NKAIN2: variants seen among roughly 807,000 people sequenced by gnomAD.
NKAIN2 encodes the protein sodium/potassium transporting ATPase interacting 2, also known as sodium/potassium-transporting ATPase subunit beta-1-interacting protein 2.
A neutral mutation model predicts 32.6 loss-of-function variants in NKAIN2; 14 were observed. The ratio of observed to expected loss-of-function variants is 0.43; its 90% confidence interval spans 0.28 to 0.67. The LOEUF is 0.67. NKAIN2 is among the 30% of genes least tolerant of loss of function. The pLI is 0.17. For synonymous variants in NKAIN2, 80 were observed against 87.2 expected (o/e 0.92, Z 0.46); for missense variants, 198 against 258.3 (o/e 0.77, Z 1.60).
intron 1 of NKAIN2, among the ~76,000 whole-genome samples, chr6:124,104,374 T>C (rs1306409808): frequency 1.3e-5 from 2 of 152,182 alleles, no homozygotes; most frequent in African/African-American, 4.8e-5. Flanking sequence ...ATGATGATGA[T>C]GATATTTTGG....
chr6:124,559,822 A>C (rs1780618353), intron 3 of NKAIN2, among the ~76,000 whole-genome samples: 1 of 146,770 alleles, frequency 6.8e-6, no homozygotes, highest in South Asian at 2.2e-4. Flanking sequence ...GAAGGCGAGT[A>C]AGAAATAAAC....
intron 3 of NKAIN2, among the ~76,000 whole-genome samples, chr6:124,359,477 A>T (rs924774160): frequency 2.6e-5 from 4 of 152,124 alleles, no homozygotes; most frequent in South Asian, 2.1e-4. Context: ...CTCTTTGAAG[A>T]GGTCCTTCAC....
At chr6:124,038,118 G>A (rs1781688590) in intron 1 of NKAIN2, among the ~76,000 whole-genome samples, 1 of 152,098 alleles carries the variant, frequency 6.6e-6, no homozygotes, top group Admixed American at 6.6e-5. Flanking sequence ...GTAAAAATGA[G>A]AGATCCCTTC....
chr6:124,485,124 G>A (rs1256875114), intron 3 of NKAIN2, among the ~76,000 whole-genome samples: 1 of 152,108 alleles, frequency 6.6e-6, no homozygotes, highest in African/African-American at 2.4e-5. Flanking sequence ...TGTTGCTCTG[G>A]TTCTTGCTAT....
chr6:123,912,075 G>A (rs1001994602), intron 1 of NKAIN2, among the ~76,000 whole-genome samples: 1 of 151,546 alleles, frequency 6.6e-6, no homozygotes, highest in East Asian at 1.9e-4. Flanking sequence ...GAAATACAGA[G>A]AGGTAGATAC....
chr6:123,976,256 T>TATATATATATATGTTTCC (rs1778566688), intron 1 of NKAIN2, among the ~76,000 whole-genome samples: 1 of 120,804 alleles, frequency 8.3e-6, no homozygotes, highest in African/African-American at 2.9e-5. Context: ...AACATATATA[T>TATATATATATATGTTTCC]ATATATATGT....
intron 2 of NKAIN2, among the ~76,000 whole-genome samples, chr6:124,306,175 T>G (rs1796499274): frequency 6.6e-6 from 1 of 152,296 alleles, no homozygotes; most frequent in East Asian, 1.9e-4. Context: ...GTAAGTTGCT[T>G]CTTGTTACTA....
At chr6:124,811,415 T>G (rs1306909622) in intron 5 of NKAIN2, among the ~76,000 whole-genome samples, 1 of 152,178 alleles carries the variant, frequency 6.6e-6, no homozygotes, top group African/African-American at 2.4e-5. Flanking sequence ...TTAAGTTTGC[T>G]GAACTCAGTG....
At chr6:124,517,700 G>A (rs1000774247) in intron 3 of NKAIN2, among the ~76,000 whole-genome samples, 1 of 151,884 alleles carries the variant, frequency 6.6e-6, no homozygotes, top group Non-Finnish European at 1.5e-5. Context: ...ATTTTTTTCT[G>A]CAGAAGAAAA....
At chr6:124,471,610 GA>G (rs1376467187) in intron 3 of NKAIN2, among the ~76,000 whole-genome samples, 1 of 152,022 alleles carries the variant, frequency 6.6e-6, no homozygotes. Flanking sequence ...ATGCCTTACT[GA>G]AAGAATAAAT....
chr6:124,453,777 A>G (rs145415106), intron 3 of NKAIN2, among the ~76,000 whole-genome samples: 3 of 152,254 alleles, frequency 2.0e-5, no homozygotes, highest in East Asian at 3.9e-4. Context: ...TGAGAGGTAT[A>G]GATTTGCCTC....
chr6:123,977,790 A>G (rs938573973), intron 1 of NKAIN2, among the ~76,000 whole-genome samples: 3 of 152,168 alleles, frequency 2.0e-5, no homozygotes, highest in African/African-American at 7.2e-5. Flanking sequence ...TTTGCATAGA[A>G]TAAAAATTGC....
chr6:124,140,559 A>T (rs1191303980), intron 1 of NKAIN2, among the ~76,000 whole-genome samples: 1 of 152,176 alleles, frequency 6.6e-6, no homozygotes, highest in African/African-American at 2.4e-5. Flanking sequence ...AATGCACAGA[A>T]CATTTGAGAA....
rs568796217 is a variant in NKAIN2, at chr6:124,318,367, C to T, written c.192+35225C>T. ...TGGGGAGTTTTATGTCTGTTGGTGA[C>T]ATTTACTCAAAATCATCTTCAGAGA... is the stretch of plus-strand genomic sequence containing the variant. On this transcript the variant is annotated intron_variant, in intron 2 of 6. Coordinates refer to ENST00000368417, the MANE Select transcript of NKAIN2 (RefSeq NM_001040214.3). Among the ~76,000 whole-genome samples, 87 of 151,764 alleles carry T rather than the reference C, an allele frequency of 5.7e-4. No individual in the cohort carries two copies. The South Asian group carries it at 0.018, about 31-fold the overall frequency.
At chr6:124,700,751 A>C (rs976841752) in intron 4 of NKAIN2, among the ~76,000 whole-genome samples, 1 of 151,988 alleles carries the variant, frequency 6.6e-6, no homozygotes, top group African/African-American at 2.4e-5. Context: ...ACCTAAAAAA[A>C]TTGAGTGCCC....
chr6:124,244,905 A>G (rs1455090552), intron 1 of NKAIN2, among the ~76,000 whole-genome samples: 6 of 152,114 alleles, frequency 3.9e-5, no homozygotes, highest in Admixed American at 3.9e-4. Context: ...TGAGCTTACC[A>G]TGGTTATCTC....
chr6:124,746,594 A>G (rs1208253448), intron 4 of NKAIN2, among the ~76,000 whole-genome samples: 1 of 151,936 alleles, frequency 6.6e-6, no homozygotes, highest in Non-Finnish European at 1.5e-5. Context: ...AGGAAAATTT[A>G]TATCTGTACT....
chr6:123,985,141 G>GT (rs1469415101), intron 1 of NKAIN2, among the ~76,000 whole-genome samples: 2 of 152,170 alleles, frequency 1.3e-5, no homozygotes, highest in Admixed American at 6.5e-5. Context: ...GCTCACCCCT[G>GT]TAATACCAGC....
chr6:124,545,833 A>G (rs1251126910), intron 3 of NKAIN2, among the ~76,000 whole-genome samples: 1 of 152,116 alleles, frequency 6.6e-6, no homozygotes, highest in East Asian at 1.9e-4. Flanking sequence ...ACAAAATGAA[A>G]TGACACAAAC....
Sources: allele counts gnomAD v4.1 joint callset (sites outside exome capture counted in the v4.1 genomes callset), GRCh38; gene constraint gnomAD v4.1.1; transcripts MANE v1.5; gene names NCBI Gene and HGNC (gene_info 2026-07-23, HGNC 2026-07-21).